Variants in ANKMY1 observed in about 807,000 individuals in gnomAD.
ANKMY1 encodes ankyrin repeat and MYND domain-containing protein 1.
ANKMY1 carries 98 observed loss-of-function variants against 102.0 expected under a neutral mutation model. That is an observed-to-expected ratio of 0.96 (90% CI 0.82 to 1.14). The LOEUF is 1.14. Ranked by LOEUF, ANKMY1 falls within the 50% of genes most tolerant of loss-of-function variation. ANKMY1 has a pLI of 0.00. For missense variants in ANKMY1, 1,330 were observed against 1,347.6 expected (o/e 0.99, Z 0.20); for synonymous variants, 582 against 559.9 (o/e 1.04, Z -0.56).
chr2:240,554,525 G>A (rs895770459), intron 3 of ANKMY1: 3 of 209,746 alleles, frequency 1.4e-5, no homozygotes, highest in South Asian at 1.3e-4. Context: ...TAGAACATTC[G>A]CTGCCTTCTG....
chr2:240,479,734 G>A, intron 17 of ANKMY1, 79 bp from the exon 18 acceptor site: 1 of 1,291,968 alleles, frequency 7.7e-7, no homozygotes, highest in Non-Finnish European at 1.1e-6. Flanking sequence ...CCAGAACTCG[G>A]GCTGTGTGGG....
Position 240,524,096 on chromosome 2 carries a change from C to T in ANKMY1, c.1621G>A (p.Val541Met), listed in dbSNP as rs756120555. The stretch of plus-strand genomic sequence containing the variant: ...CTGCCCCGGTCTGTGTTTCCCAACA[C>T]GTCCTCAAGCCCGCTTTCCACATGG... ...LGHVESGLEDVLGNTDRGSLC... is the reference protein window; with the variant it reads ...LGHVESGLEDMLGNTDRGSLC... Residue 541 changes from valine (V) to methionine (M), a missense_variant, in exon 8 of 18, where the codon GTG becomes ATG. Val to Met is a conservative substitution (Grantham distance 21, BLOSUM62 1). Coordinates refer to ENST00000401804, the MANE Select transcript of ANKMY1 (RefSeq NM_001282771.3). 3.1e-5 allele frequency: 50 copies of T among 1,613,950 alleles called. No homozygotes were observed. Among genetic ancestry groups the T allele is most frequent in the South Asian group, 1.3e-4 (12 of 91,086 alleles).
chr2:240,543,885 A>T (rs2089643729), intron 4 of ANKMY1, among the ~76,000 whole-genome samples: 1 of 152,188 alleles, frequency 6.6e-6, no homozygotes, highest in Non-Finnish European at 1.5e-5. Context: ...AACTGTTCTC[A>T]TCTATAAAAT....
chr2:240,484,618 A>G (rs1377478923), intron 15 of ANKMY1, among the ~76,000 whole-genome samples: 2 of 152,254 alleles, frequency 1.3e-5, no homozygotes, highest in Admixed American at 1.3e-4. Flanking sequence ...AAACCTAGGC[A>G]ATACCATTCA....
the ANKMY1 span, among the ~76,000 whole-genome samples, chr2:240,472,973 A>G: frequency 6.9e-6 from 1 of 144,920 alleles, no homozygotes; most frequent in Non-Finnish European, 1.5e-5. Context: ...AAAAATATAA[A>G]AATTAACCAG....
At position 240,529,196 on chromosome 2, in the gene ANKMY1, T is replaced by C. The variant is rs1356975080; in HGVS notation, c.794A>G (p.Asn265Ser). The C allele has an allele frequency of 8.1e-6, 13 of 1,614,110 alleles. No individual in the cohort carries two copies. Among genetic ancestry groups the C allele is most frequent in the East Asian group, 2.2e-5 (1 of 44,898 alleles). Reference sequence around the variant, plus strand: ...GCTTGTCATGGGCAGGTGGTCACTGTTGGTCGAGTAGACATACATTTCTGG... The same window carrying C: ...GCTTGTCATGGGCAGGTGGTCACTGCTGGTCGAGTAGACATACATTTCTGG... ...LPPEMYVYSTNSDHLPMTSSF... is the reference protein window; with the variant it reads ...LPPEMYVYSTSSDHLPMTSSF... The change falls in exon 5 of 18, where the codon AAC becomes AGC. Residue 265 changes from asparagine (N) to serine (S), a missense_variant. By Grantham distance (46) the Asn-to-Ser change is conservative (BLOSUM62 1). Transcript: ENST00000401804. The surrounding 1 kb of genome is among the most constrained non-coding windows in gnomAD (Gnocchi z 4.2).
intron 9 of ANKMY1, among the ~76,000 whole-genome samples, chr2:240,514,033 C>T (rs756526408): frequency 4.8e-4 from 73 of 152,208 alleles, no homozygotes; most frequent in Non-Finnish European, 7.6e-4. Flanking sequence ...AGGAGGCGCA[C>T]GGGGCCGTGC....
At chr2:240,519,536 G>A (rs925907212) in intron 9 of ANKMY1, among the ~76,000 whole-genome samples, 4 of 152,194 alleles carry the variant, frequency 2.6e-5, no homozygotes, top group Non-Finnish European at 4.4e-5. Flanking sequence ...TCTGAGAGGA[G>A]GAGCAGTCAT....
chr2:240,500,060 C>G lies in ANKMY1; in HGVS notation c.2704G>C (p.Ala902Pro). The G allele has an allele frequency of 6.2e-7, 1 of 1,612,592 alleles. No individual in the cohort carries two copies. The highest frequency in any genetic ancestry group is 8.5e-7 in the Non-Finnish European group (1 of 1,179,592). Residue 902 changes from alanine to proline, a missense_variant, in exon 15 of 18, where the codon GCG (alanine) becomes CCG (proline). By Grantham distance (27) the Ala-to-Pro change is conservative (BLOSUM62 -1). Transcript: ENST00000401804. ...ATGTACTCCAGGAGCCGCTTCCGCG[C>G]CAGGAACGTCTCGCGCTCTGCTGGC... ...LMPAERETFL[A>P]RKRLLEYMGL...
In ANKMY1 at chr2:240,556,339, C is replaced by A. The variant is rs141244112; in HGVS notation, c.146+851G>T. 5.7e-3 allele frequency among the ~76,000 whole-genome samples: 873 copies of A among 152,324 alleles called. 8 individuals are homozygous for A. The highest frequency in any genetic ancestry group is 0.02 in the African/African-American group (835 of 41,574). On this transcript the variant is annotated intron_variant, in intron 2 of 17. Transcript: ENST00000401804. Reference sequence around the variant, plus strand: ...TCCCATGCCCAGAGCGAGATCCGCTCTCTTATCTGTAAACACTGTGTTCAA... The same window carrying A: ...TCCCATGCCCAGAGCGAGATCCGCTATCTTATCTGTAAACACTGTGTTCAA...
At position 240,506,909 on chromosome 2, in the gene ANKMY1, C is replaced by T. The variant is rs188382328; in HGVS notation, c.2526+651G>A. Among the ~76,000 whole-genome samples the T allele has an allele frequency of 5.9e-5, 9 of 152,084 alleles. No individual in the cohort carries two copies. Among genetic ancestry groups the T allele is most frequent in the East Asian group, 3.9e-4 (2 of 5,168 alleles). ...CTCAGGACAGAAGGTGTCTCCAGCG[C>T]GGGCAGGATTTCCCGACTGTGAGCT... On this transcript the variant is annotated intron_variant, in intron 13 of 17. Transcript: ENST00000401804. This position sits in a 1 kb window ranked among gnomAD's most constrained non-coding sequence, Gnocchi z 4.9.
chr2:240,520,229 T>A lies in ANKMY1; in HGVS notation c.2004+133A>T, dbSNP rs2081931018. The A allele has an allele frequency of 7.4e-7, 1 of 1,350,120 alleles. No individual in the cohort carries two copies. Among genetic ancestry groups the A allele is most frequent in the Non-Finnish European group, 1.0e-6 (1 of 968,278 alleles). 83.6% of individuals were successfully genotyped at this position (1,350,120 alleles called of 1,614,324 possible). A position where few individuals can be genotyped will look rare whatever the true frequency, so the allele number is the denominator to read the frequency against. ...GACCCCCCACTGCGGCGCGCCGTCA[T>A]CACTCACAGCCCAGGTGGTCGCCTG... On this transcript the variant is annotated intron_variant, in intron 9 of 17. Transcript: ENST00000401804. The surrounding 1 kb of genome is among the most constrained non-coding windows in gnomAD (Gnocchi z 4.8).
chr2:240,549,458 C>A (rs932511202), intron 4 of ANKMY1, among the ~76,000 whole-genome samples: 1 of 152,156 alleles, frequency 6.6e-6, no homozygotes, highest in African/African-American at 2.4e-5. Context: ...GCATGGGCAA[C>A]GACTTCATGT....
At chr2:240,524,958 T>C (rs1332018036) in intron 7 of ANKMY1, among the ~76,000 whole-genome samples, 1 of 152,232 alleles carries the variant, frequency 6.6e-6, no homozygotes, top group African/African-American at 2.4e-5. Flanking sequence ...CCACAGACAG[T>C]TGTTTTTGGA....
At position 240,480,939 on chromosome 2, in the gene ANKMY1, A is replaced by G; in HGVS notation, c.3044T>C (p.Ile1015Thr). 1.9e-6 allele frequency: 3 copies of G among 1,605,028 alleles called. No homozygotes were observed. In the South Asian group the frequency reaches 3.3e-5, roughly 18 times the overall value. ...HKKDCGDLVA[I>T]VTQLEQVSRR... The stretch of plus-strand genomic sequence containing the variant: ...TCCCAGCCTGAGGGCCGACCTACCG[A>G]TGGCCACCAGGTCCCCGCAGTCCTT... Residue 1015 changes from isoleucine (I) to threonine (T), a missense_variant and splice_region_variant, in exon 17 of 18, where the codon ATC (isoleucine) becomes ACC (threonine). Transcript: ENST00000401804.
the ANKMY1 span, among the ~76,000 whole-genome samples, chr2:240,470,438 C>G: frequency 6.6e-6 from 1 of 152,180 alleles, no homozygotes; most frequent in African/African-American, 2.4e-5. Flanking sequence ...CAGTCACTGC[C>G]CAGCAAGCTC....
At chr2:240,494,077 A>G (rs1018572738) in intron 15 of ANKMY1, among the ~76,000 whole-genome samples, 2 of 151,956 alleles carry the variant, frequency 1.3e-5, no homozygotes, top group African/African-American at 2.4e-5. Flanking sequence ...GTTAGGTCCA[A>G]CCTCAGGCCC....
At chr2:240,546,734 T>G (rs556195822) in intron 4 of ANKMY1, among the ~76,000 whole-genome samples, 95 of 152,214 alleles carry the variant, frequency 6.2e-4, no homozygotes, top group Non-Finnish European at 1.2e-3. Context: ...AAAGAGACTT[T>G]AAACCAACAA....
chr2:240,512,124 C>G, intron 10 of ANKMY1, 123 bp from the exon 11 acceptor site: 1 of 1,228,540 alleles, frequency 8.1e-7, no homozygotes, highest in Non-Finnish European at 1.1e-6. Flanking sequence ...GCGAAACCCT[C>G]TTGAAGGCGG....
Sources: gnomAD v4.1 joint callset for allele counts (sites outside exome capture counted in the v4.1 genomes callset) on GRCh38, gnomAD v4.1.1 for gene constraint, Gnocchi (gnomAD v3.1) non-coding constraint, MANE v1.5 for transcripts, NCBI Gene and HGNC (gene_info 2026-07-23, HGNC 2026-07-21) for gene names.